The following ZNF836 variants were observed in gnomAD, a reference collection of about 807,000 sequenced individuals.
ZNF836 encodes zinc finger protein 836.
Under a neutral mutation model 7.4 loss-of-function variants are expected in ZNF836, and 12 were observed. The observed-to-expected ratio is 1.61, with a 90% confidence interval of 1.03 to 2.61. ZNF836 has a LOEUF of 2.61. Ranked by LOEUF, ZNF836 falls within the 30% of genes most tolerant of loss-of-function variation. The probability of loss-of-function intolerance (pLI) is 0.00; values close to 1 mark genes in which losing one functional copy is unlikely to be tolerated. For synonymous variants in ZNF836, 365 were observed against 382.6 expected (o/e 0.95, Z 0.54); for missense variants, 998 against 1,126.2 (o/e 0.89, Z 1.63).
chr19:52,157,565 GT>G (rs781380335), intron 4 of ZNF836, 25 bp from the exon 5 acceptor site: 1 of 1,447,014 alleles, frequency 6.9e-7, no homozygotes, highest in African/African-American at 1.4e-5. Flanking sequence ...GAACATGGGA[GT>G]TTTTTCGTTG....
chr19:52,168,122 G>C lies in ZNF836; in HGVS notation c.-50C>G, dbSNP rs1457222540. The C allele has an allele frequency of 6.3e-7, 1 of 1,598,174 alleles. No homozygotes were observed. Among genetic ancestry groups the C allele is most frequent in the Middle Eastern group, 1.7e-4 (1 of 5,952 alleles). ...CTTCCTCTTCTGGGCTTCTCTCTCA[G>C]TCAATATAATTAATTCTTTACAAGT... On this transcript the variant is annotated 5_prime_UTR_variant, in exon 3 of 5. Coordinates refer to ENST00000682614, the MANE Select transcript of ZNF836 (RefSeq NM_001102657.3).
rs2089162444 is a variant in ZNF836 at position 52,156,547 on chromosome 19, A to C, written c.1136T>G (p.Ile379Ser). The C allele has an allele frequency of 6.2e-7, 1 of 1,612,426 alleles. No individual in the cohort carries two copies. Among genetic ancestry groups the C allele is most frequent in the African/African-American group, 1.3e-5 (1 of 74,358 alleles). Residue 379 changes from isoleucine to serine, a missense_variant, in exon 5 of 5, where the codon ATC becomes AGC. By Grantham distance (142) the Ile-to-Ser change is moderately radical. Coordinates refer to ENST00000682614, the MANE Select transcript of ZNF836 (RefSeq NM_001102657.3). ...QNSNLVNHQR[I>S]HTGEKPYKCN... Reference sequence around the variant, plus strand: ...TTTGTATGGTTTCTCTCCAGTGTGGATTCTCTGGTGATTTACAAGATTAGA... The same window carrying C: ...TTTGTATGGTTTCTCTCCAGTGTGGCTTCTCTGGTGATTTACAAGATTAGA...
chr19:52,168,368 A>AACTGAAGTCAGG (rs958177180), intron 2 of ZNF836, among the ~76,000 whole-genome samples: 1 of 152,142 alleles, frequency 6.6e-6, no homozygotes, highest in African/African-American at 2.4e-5. Context: ...CGGGCAGATC[A>AACTGAAGTCAGG]ACTGAAGTCA....
chr19:52,160,034 T>C (rs914515755), intron 4 of ZNF836, among the ~76,000 whole-genome samples: 4 of 151,638 alleles, frequency 2.6e-5, no homozygotes, highest in African/African-American at 9.7e-5. Context: ...ATACAAAAAA[T>C]TAGCCGGGAG....
chr19:52,155,093 A>C lies in ZNF836; in HGVS notation c.2590T>G (p.Cys864Gly). 6.2e-7 allele frequency: 1 copy of C among 1,614,244 alleles called. No homozygotes were observed. The highest frequency in any genetic ancestry group is 1.1e-5 in the South Asian group (1 of 91,086). ...CCAAAGGCCTTGCCACATTCAATACATTTGTATGGCTTCTCTCCAGTGTGA... is the reference window on the plus strand; with the variant it reads ...CCAAAGGCCTTGCCACATTCAATACCTTTGTATGGCTTCTCTCCAGTGTGA... ...RNHTGEKPYKCIECGKAFGRF... is the reference protein window; with the variant it reads ...RNHTGEKPYKGIECGKAFGRF... Residue 864 changes from cysteine (C) to glycine (G), a missense_variant, in exon 5 of 5, where the codon TGT becomes GGT. Coordinates refer to ENST00000682614, the MANE Select transcript of ZNF836 (RefSeq NM_001102657.3).
rs778308833 is a variant in ZNF836 at position 52,161,752 on chromosome 19, G to T, written c.16-1161C>A. On this transcript the variant is annotated intron_variant, in intron 3 of 4. Coordinates refer to ENST00000682614, the MANE Select transcript of ZNF836 (RefSeq NM_001102657.3). The surrounding 1 kb of genome is among the most constrained non-coding windows in gnomAD (Gnocchi z 4.1). Reference sequence around the variant, plus strand: ...ACATTCTATCCTAATGGCTCCCAAAGCTTTATTTCTACAACCAATTCAAAA... The same window carrying T: ...ACATTCTATCCTAATGGCTCCCAAATCTTTATTTCTACAACCAATTCAAAA... 2.0e-5 allele frequency among the ~76,000 whole-genome samples: 3 copies of T among 151,758 alleles called. No homozygotes were observed. Among genetic ancestry groups the T allele is most frequent in the African/African-American group, 4.8e-5 (2 of 41,282 alleles).
intron 1 of ZNF836, chr19:52,170,463 T>G (rs553686459): frequency 6.6e-6 from 1 of 152,596 alleles, no homozygotes; most frequent in South Asian, 2.1e-4. Flanking sequence ...CTGCCCTCTC[T>G]CCCTCTCTTT....
intron 4 of ZNF836, 39 bp downstream of exon 4, chr19:52,160,426 G>T: frequency 6.2e-7 from 1 of 1,613,552 alleles, no homozygotes; most frequent in Non-Finnish European, 8.5e-7. Context: ...AAAAATACAC[G>T]AGGGCAGATC....
intron 3 of ZNF836, among the ~76,000 whole-genome samples, chr19:52,167,267 T>A (rs1600144300): frequency 6.6e-6 from 1 of 150,894 alleles, no homozygotes; most frequent in East Asian, 2.0e-4. Flanking sequence ...AGGTTGGGAG[T>A]TCTAGACCAG....
chr19:52,170,994 TGAG>T (rs2089303295), intron 1 of ZNF836, among the ~76,000 whole-genome samples: 3 of 152,108 alleles, frequency 2.0e-5, no homozygotes, highest in African/African-American at 7.2e-5. Context: ...GGACCCGGCG[TGAG>T]GAGGACACAA....
chr19:52,155,047 T>C lies in ZNF836; in HGVS notation c.2636A>G (p.Lys879Arg). The C allele has an allele frequency of 6.2e-7, 1 of 1,614,160 alleles. No homozygotes were observed. The highest frequency in any genetic ancestry group is 8.5e-7 in the Non-Finnish European group (1 of 1,180,006). ...TTCTCCAGAATGAATCATTTGGTGTTTGTTGAGGCAAGAAAACCGCCCAAA... is the reference window on the plus strand; with the variant it reads ...TTCTCCAGAATGAATCATTTGGTGTCTGTTGAGGCAAGAAAACCGCCCAAA... ...KAFGRFSCLN[K>R]HQMIHSGEKP... The change falls in exon 5 of 5, where the codon AAA (lysine) becomes AGA (arginine). Residue 879 changes from lysine to arginine, a missense_variant. Physicochemically the swap from Lys to Arg is conservative, Grantham distance 26. Transcript: ENST00000682614.
chr19:52,164,151 G>A (rs2089239044), intron 3 of ZNF836, among the ~76,000 whole-genome samples: 1 of 151,978 alleles, frequency 6.6e-6, no homozygotes, highest in Non-Finnish European at 1.5e-5. Context: ...CAGCACTTTG[G>A]GGAGCCAAGG....
intron 2 of ZNF836, 89 bp from the exon 3 acceptor site, chr19:52,168,241 G>A: frequency 3.8e-6 from 3 of 783,152 alleles, no homozygotes; most frequent in Non-Finnish European, 4.0e-6. Flanking sequence ...ACCTCAGCAT[G>A]TGGAGAGACA....
At chr19:52,170,582 C>T (rs111661123) in intron 1 of ZNF836, among the ~76,000 whole-genome samples, 4 of 152,068 alleles carry the variant, frequency 2.6e-5, no homozygotes, top group African/African-American at 9.7e-5. Flanking sequence ...TATTTTGCTG[C>T]CTTTCATCTC....
At chr19:52,164,421 A>AGGAG (rs1379702954) in intron 3 of ZNF836, among the ~76,000 whole-genome samples, 2 of 142,694 alleles carry the variant, frequency 1.4e-5, no homozygotes, top group African/African-American at 5.3e-5. Context: ...AGAAAGAGAA[A>AGGAG]GGAGGGAGGG....
Position 52,156,532 on chromosome 19 carries a change from T to C in ZNF836, c.1151A>G (p.Lys384Arg). The C allele has an allele frequency of 6.2e-7, 1 of 1,614,174 alleles. No individual in the cohort carries two copies. Among genetic ancestry groups the C allele is most frequent in the South Asian group, 1.1e-5 (1 of 91,080 alleles). Residue 384 changes from lysine to arginine, a missense_variant, in exon 5 of 5, where the codon AAA becomes AGA. Physicochemically the swap from Lys to Arg is conservative, Grantham distance 26. Coordinates refer to ENST00000682614, the MANE Select transcript of ZNF836 (RefSeq NM_001102657.3). Reference sequence around the variant, plus strand: ...TCCACATATGTTGCATTTGTATGGTTTCTCTCCAGTGTGGATTCTCTGGTG... The same window carrying C: ...TCCACATATGTTGCATTTGTATGGTCTCTCTCCAGTGTGGATTCTCTGGTG... The part of the protein sequence containing the change: ...VNHQRIHTGE[K>R]PYKCNICGKS...
rs529776309 is a variant in ZNF836, at chr19:52,162,056, G to A, written c.16-1465C>T. ...AGGCTTGACAATAATCTTTGACTCCGTGTCCCACCTTCTAGACATCCTGGA... is the reference window on the plus strand; with the variant it reads ...AGGCTTGACAATAATCTTTGACTCCATGTCCCACCTTCTAGACATCCTGGA... On this transcript the variant is annotated intron_variant, in intron 3 of 4. Transcript: ENST00000682614. Among the ~76,000 whole-genome samples, 170 of 152,276 alleles carry A rather than the reference G, an allele frequency of 1.1e-3. 1 individual carries two copies. The highest frequency in any genetic ancestry group is 4.0e-3 in the African/African-American group (165 of 41,566).
At chr19:52,167,757 C>G (rs570475594) in intron 3 of ZNF836, among the ~76,000 whole-genome samples, 6 of 152,234 alleles carry the variant, frequency 3.9e-5, no homozygotes, top group Non-Finnish European at 5.9e-5. Flanking sequence ...CTGATTTTGC[C>G]TCTAAACAAT....
At chr19:52,160,039 C>T (rs866630603) in intron 4 of ZNF836, among the ~76,000 whole-genome samples, 2 of 151,596 alleles carry the variant, frequency 1.3e-5, no homozygotes, top group East Asian at 1.9e-4. Flanking sequence ...AAAAATTAGC[C>T]GGGAGTGGTG....
Sources: gnomAD v4.1 joint callset for allele counts (sites outside exome capture counted in the v4.1 genomes callset) on GRCh38, gnomAD v4.1.1 for gene constraint, Gnocchi (gnomAD v3.1) non-coding constraint, MANE v1.5 for transcripts, NCBI Gene and HGNC (gene_info 2026-07-23, HGNC 2026-07-21) for gene names.